The following CCDC146 variants were observed in gnomAD, a reference collection of about 807,000 sequenced individuals.
CCDC146 encodes the protein coiled-coil domain containing 146.
A neutral mutation model predicts 119.3 loss-of-function variants in CCDC146; 92 were observed. That is an observed-to-expected ratio of 0.77 (90% CI 0.65 to 0.92). CCDC146 has a LOEUF of 0.92. Among genes scored for constraint, CCDC146 ranks in the 40% least tolerant of loss-of-function variants. The pLI is 0.00. For synonymous variants in CCDC146, 372 were observed against 371.8 expected (o/e 1.00, Z -0.01); for missense variants, 1,000 against 1,103.0 (o/e 0.91, Z 1.32).
intron 2 of CCDC146, chr7:77,199,632 C>T: frequency 6.2e-7 from 1 of 1,613,980 alleles, no homozygotes; most frequent in South Asian, 1.1e-5. Context: ...GGTAGGGGCA[C>T]TCCCCTGCCT....
intron 2 of CCDC146, among the ~76,000 whole-genome samples, chr7:77,175,853 G>T (rs1474045018): frequency 6.6e-6 from 1 of 151,098 alleles, no homozygotes; most frequent in Non-Finnish European, 1.5e-5. Context: ...GATACCATGA[G>T]AATTTATGGA....
chr7:77,230,253 T>A (rs1239123925), intron 2 of CCDC146, among the ~76,000 whole-genome samples: 1 of 152,236 alleles, frequency 6.6e-6, no homozygotes, highest in Non-Finnish European at 1.5e-5. Context: ...GCTGCCATAT[T>A]TGTGTCCAAG....
At chr7:77,192,178 G>T (rs1321539267) in intron 2 of CCDC146, among the ~76,000 whole-genome samples, 2 of 152,110 alleles carry the variant, frequency 1.3e-5, no homozygotes, top group Admixed American at 6.5e-5. Context: ...CTCCCAAAGT[G>T]CTGGGATTAC....
intron 9 of CCDC146, among the ~76,000 whole-genome samples, chr7:77,266,224 T>C (rs1161839656): frequency 6.6e-6 from 1 of 152,234 alleles, no homozygotes; most frequent in Non-Finnish European, 1.5e-5. Context: ...CAAGTGAATA[T>C]GACACTTTCT....
chr7:77,163,629 C>G (rs1031306316), intron 1 of CCDC146, among the ~76,000 whole-genome samples: 3 of 152,020 alleles, frequency 2.0e-5, no homozygotes, highest in Non-Finnish European at 4.4e-5. Flanking sequence ...TGAGATCTAT[C>G]TCTGTATATT....
intron 2 of CCDC146, among the ~76,000 whole-genome samples, chr7:77,190,508 G>A (rs1270269775): frequency 6.6e-6 from 1 of 152,186 alleles, no homozygotes; most frequent in Non-Finnish European, 1.5e-5. Flanking sequence ...AGGAGCCTAA[G>A]GAAGAATTTG....
intron 1 of CCDC146, among the ~76,000 whole-genome samples, chr7:77,154,693 C>G (rs1247887824): frequency 6.6e-5 from 10 of 152,008 alleles, no homozygotes; most frequent in Non-Finnish European, 1.3e-4. Flanking sequence ...TTTTCTTAAT[C>G]CAGTCTATCA....
chr7:77,266,443 T>C (rs977790339), intron 9 of CCDC146, among the ~76,000 whole-genome samples: 3 of 152,192 alleles, frequency 2.0e-5, no homozygotes, highest in African/African-American at 7.2e-5. Flanking sequence ...CTACCTATGT[T>C]ACTTGTTTCC....
At chr7:77,145,513 G>C (rs1232756577) in intron 1 of CCDC146, among the ~76,000 whole-genome samples, 4 of 150,318 alleles carry the variant, frequency 2.7e-5, no homozygotes. Context: ...TGATGTTAGG[G>C]TGTCAGTTTT....
intron 4 of CCDC146, among the ~76,000 whole-genome samples, chr7:77,243,812 G>A (rs1411249947): frequency 6.6e-6 from 1 of 152,202 alleles, no homozygotes; most frequent in Non-Finnish European, 1.5e-5. Context: ...AGAAAATAAT[G>A]ACTTTGATGC....
intron 1 of CCDC146, among the ~76,000 whole-genome samples, chr7:77,137,841 A>C (rs144150860): frequency 0.021 from 3,190 of 151,744 alleles, 63 homozygotes; most frequent in Middle Eastern, 0.051. Flanking sequence ...ACCCGACTTC[A>C]ATACTTACAT....
At chr7:77,163,096 G>T (rs979068208) in intron 1 of CCDC146, among the ~76,000 whole-genome samples, 2 of 152,190 alleles carry the variant, frequency 1.3e-5, no homozygotes, top group African/African-American at 2.4e-5. Flanking sequence ...ATTTAAAGGT[G>T]CAGTGCTCTG....
intron 11 of CCDC146, among the ~76,000 whole-genome samples, chr7:77,276,946 C>T (rs1793658332): frequency 6.6e-6 from 1 of 152,170 alleles, no homozygotes; most frequent in Admixed American, 6.5e-5. Context: ...GTGGTGGGCA[C>T]CTGTAATCCC....
intron 2 of CCDC146, among the ~76,000 whole-genome samples, chr7:77,172,303 C>A (rs3114352): frequency 6.6e-6 from 1 of 151,984 alleles, no homozygotes; most frequent in African/African-American, 2.4e-5. Flanking sequence ...CTTTATATTC[C>A]TTCAGTTGTC....
intron 2 of CCDC146, chr7:77,199,432 G>T: frequency 6.2e-7 from 1 of 1,614,000 alleles, no homozygotes; most frequent in Non-Finnish European, 8.5e-7. Context: ...CTCTCCCGGG[G>T]CTCCTGTACT....
intron 7 of CCDC146, 93 bp downstream of exon 7, chr7:77,259,161 A>G: frequency 1.4e-6 from 1 of 712,198 alleles, no homozygotes. Context: ...ACATTAAATT[A>G]CTATGATAAT....
At chr7:77,278,608 G>A (rs1392744934) in intron 11 of CCDC146, 144 bp from the exon 12 acceptor site, 2 of 595,414 alleles carry the variant, frequency 3.4e-6, no homozygotes, top group Non-Finnish European at 5.8e-6. Flanking sequence ...ACCATACCCA[G>A]ATAATTTTTT....
At chr7:77,256,688 T>C (rs1793185659) in intron 6 of CCDC146, among the ~76,000 whole-genome samples, 179 bp downstream of exon 6, 2 of 152,160 alleles carry the variant, frequency 1.3e-5, no homozygotes, top group South Asian at 4.1e-4. Context: ...CAAAAGACCT[T>C]AGGGTGTTTG....
At chr7:77,281,530 A>C (rs1185131974) in intron 14 of CCDC146, among the ~76,000 whole-genome samples, 1 of 152,242 alleles carries the variant, frequency 6.6e-6, no homozygotes, top group Non-Finnish European at 1.5e-5. Context: ...TTTTTTAAGC[A>C]AACTTTGATT....
Sources: allele counts gnomAD v4.1 joint callset (sites outside exome capture counted in the v4.1 genomes callset), GRCh38; gene constraint gnomAD v4.1.1; transcripts MANE v1.5; gene names NCBI Gene and HGNC (gene_info 2026-07-23, HGNC 2026-07-21).